Variants in MGMT observed in about 807,000 individuals in gnomAD.
MGMT encodes methylated-DNA--protein-cysteine methyltransferase.
In MGMT, 14 loss-of-function variants were observed where a neutral mutation model predicts 15.9. The observed-to-expected ratio is 0.88, with a 90% CI of 0.58 to 1.37. MGMT has a LOEUF of 1.37. Ranked by LOEUF, MGMT falls within the 40% of genes most tolerant of loss-of-function variation. MGMT has a pLI of 0.00. For synonymous variants in MGMT, 130 were observed against 118.2 expected (o/e 1.10, Z -0.65); for missense variants, 282 against 268.1 (o/e 1.05, Z -0.36).
intron 1 of MGMT, among the ~76,000 whole-genome samples, chr10:129,520,667 G>A (rs544526114): frequency 1.5e-4 from 23 of 151,224 alleles, no homozygotes; most frequent in Admixed American, 1.4e-3. Context: ...TACAGTGTAT[G>A]TGCAGAGCCC....
chr10:129,711,486 C>A (rs1266898812), intron 3 of MGMT, among the ~76,000 whole-genome samples: 1 of 152,148 alleles, frequency 6.6e-6, no homozygotes, highest in Admixed American at 6.5e-5. Flanking sequence ...AGTGGGAGGG[C>A]GCTGAGGCTC....
chr10:129,514,005 T>A (rs977233147), intron 1 of MGMT, among the ~76,000 whole-genome samples: 3 of 152,268 alleles, frequency 2.0e-5, no homozygotes, highest in African/African-American at 7.2e-5. Context: ...GCTTTTTCAT[T>A]CTTGACAACC....
chr10:129,706,985 C>T (rs977124629), intron 2 of MGMT, among the ~76,000 whole-genome samples: 6 of 152,030 alleles, frequency 3.9e-5, no homozygotes, highest in Non-Finnish European at 7.4e-5. Flanking sequence ...CCAAGAGGGC[C>T]GCGCAGTAGC....
At chr10:129,471,439 T>C (rs895773116) in intron 1 of MGMT, among the ~76,000 whole-genome samples, 5 of 152,124 alleles carry the variant, frequency 3.3e-5, no homozygotes, top group African/African-American at 1.2e-4. Flanking sequence ...ACATTGTACT[T>C]CCCAGTCAAG....
At chr10:129,558,898 C>A (rs563599047) in intron 2 of MGMT, among the ~76,000 whole-genome samples, 51 of 152,328 alleles carry the variant, frequency 3.3e-4, no homozygotes, top group African/African-American at 1.2e-3. Context: ...TAGGAAGCTG[C>A]ATCCCCGACG....
At chr10:129,647,003 G>T (rs142178418) in intron 2 of MGMT, among the ~76,000 whole-genome samples, 123 of 151,920 alleles carry the variant, frequency 8.1e-4, no homozygotes, top group African/African-American at 2.8e-3. Context: ...GAAATGAGGG[G>T]CAGTTCCCTT....
intron 1 of MGMT, among the ~76,000 whole-genome samples, chr10:129,505,575 T>A (rs916303973): frequency 9.9e-5 from 15 of 152,206 alleles, no homozygotes; most frequent in Non-Finnish European, 1.0e-4. Context: ...GTCTTTTCCT[T>A]CTTTAAAAAT....
chr10:129,625,955 A>T (rs1280499465), intron 2 of MGMT, among the ~76,000 whole-genome samples: 2 of 152,216 alleles, frequency 1.3e-5, no homozygotes, highest in Non-Finnish European at 2.9e-5. Context: ...TCTTGATTAG[A>T]ATCTTCCCAG....
At chr10:129,728,896 G>A (rs1397592135) in intron 3 of MGMT, among the ~76,000 whole-genome samples, 1 of 152,182 alleles carries the variant, frequency 6.6e-6, no homozygotes, top group Non-Finnish European at 1.5e-5. Context: ...TTAAGAATAA[G>A]AAATTAATAA....
chr10:129,733,636 T>C (rs1045178739), intron 3 of MGMT, among the ~76,000 whole-genome samples: 2 of 152,154 alleles, frequency 1.3e-5, no homozygotes, highest in East Asian at 1.9e-4. Flanking sequence ...TCCTTGCCCA[T>C]GCCTATGTCC....
intron 2 of MGMT, among the ~76,000 whole-genome samples, chr10:129,614,335 G>A (rs1467076989): frequency 6.6e-6 from 1 of 152,132 alleles, no homozygotes; most frequent in Admixed American, 6.5e-5. Flanking sequence ...ACACCTGATC[G>A]TCACAAGCCG....
chr10:129,733,984 C>A (rs1848532073), intron 3 of MGMT, among the ~76,000 whole-genome samples: 1 of 151,076 alleles, frequency 6.6e-6, no homozygotes, highest in East Asian at 2.0e-4. Context: ...AGTTTGAAGT[C>A]AGGTAGTGTG....
chr10:129,751,419 G>A (rs1359043716), intron 3 of MGMT, among the ~76,000 whole-genome samples: 1 of 151,730 alleles, frequency 6.6e-6, no homozygotes, highest in Non-Finnish European at 1.5e-5. Flanking sequence ...TTTTCTGTCA[G>A]TCTTTTAGAG....
intron 3 of MGMT, among the ~76,000 whole-genome samples, chr10:129,746,390 GC>G (rs1284008856): frequency 6.7e-6 from 1 of 149,110 alleles, no homozygotes; most frequent in Non-Finnish European, 1.5e-5. Flanking sequence ...ACAACTGTTT[GC>G]CTAACCCCAG....
intron 2 of MGMT, among the ~76,000 whole-genome samples, chr10:129,548,324 G>C (rs1265853615): frequency 6.6e-6 from 1 of 152,176 alleles, no homozygotes; most frequent in East Asian, 1.9e-4. Context: ...TAGGGAAAAA[G>C]AAACTGTTTA....
chr10:129,524,441 C>T (rs779646278), intron 1 of MGMT, among the ~76,000 whole-genome samples: 21 of 152,124 alleles, frequency 1.4e-4, no homozygotes, highest in Admixed American at 4.6e-4. Flanking sequence ...GGTTTGCATA[C>T]CCCCGACACT....
Position 129,494,992 on chromosome 10 carries a change from C to T in MGMT, c.-13+27696C>T, listed in dbSNP as rs142160228. Among the ~76,000 whole-genome samples, 234 of 152,208 alleles carry T rather than the reference C, an allele frequency of 1.5e-3. 1 individual carries two copies. Among genetic ancestry groups the T allele is most frequent in the African/African-American group, 4.5e-3 (185 of 41,530 alleles). ...ACTAAAAAGATAAAATAGGCTGAAG[C>T]GGAGAAGAATAAAAGATTGTGCTGG... On this transcript the variant is annotated intron_variant, in intron 1 of 4. Coordinates refer to ENST00000651593, the MANE Select transcript of MGMT (RefSeq NM_002412.5).
At chr10:129,646,833 A>T (rs1020782727) in intron 2 of MGMT, among the ~76,000 whole-genome samples, 32 of 147,838 alleles carry the variant, frequency 2.2e-4, no homozygotes, top group Non-Finnish European at 4.5e-4. Context: ...GTGAATCAGG[A>T]GGTGAGAGCG....
intron 3 of MGMT, among the ~76,000 whole-genome samples, chr10:129,749,131 TTTG>T (rs1303383833): frequency 1.3e-5 from 2 of 152,188 alleles, no homozygotes; most frequent in African/African-American, 2.4e-5. Flanking sequence ...TCCTAAATAT[TTTG>T]TTGTTGTTAA....
Sources: allele counts gnomAD v4.1 joint callset (sites outside exome capture counted in the v4.1 genomes callset), GRCh38; gene constraint gnomAD v4.1.1; transcripts MANE v1.5; gene names NCBI Gene and HGNC (gene_info 2026-07-23, HGNC 2026-07-21).